The following MRPL13 variants were observed in gnomAD, a reference collection of about 807,000 sequenced individuals.
MRPL13 encodes the protein mitochondrial ribosomal protein L13, also known as large ribosomal subunit protein uL13m.
Under a neutral mutation model 29.0 loss-of-function variants are expected in MRPL13, and 33 were observed. The ratio of observed to expected loss-of-function variants is 1.14; its 90% CI spans 0.86 to 1.52. The LOEUF (loss-of-function observed/expected upper bound fraction) is 1.52, where lower values mean the gene tolerates loss of function less well. MRPL13 is among the 40% of genes most tolerant of loss of function. The pLI, the probability that MRPL13 is intolerant of heterozygous loss-of-function variation, is 0.00. For missense variants in MRPL13, 227 were observed against 216.7 expected, an observed-to-expected ratio of 1.05 and a Z score of -0.30; for synonymous variants, 77 against 68.4, an observed-to-expected ratio of 1.13 and a Z score of -0.62.
chr8:120,419,152 C>G (rs1472607338), intron 5 of MRPL13, among the ~76,000 whole-genome samples: 1 of 151,808 alleles, frequency 6.6e-6, no homozygotes, highest in African/African-American at 2.4e-5. Context: ...AAAATAGATA[C>G]TATTATTATG....
chr8:120,436,003 TC>T (rs746776835), intron 2 of MRPL13, among the ~76,000 whole-genome samples: 1 of 152,110 alleles, frequency 6.6e-6, no homozygotes, highest in East Asian at 1.9e-4. Context: ...TTGTTTAAGT[TC>T]CTTACAAAGA....
chr8:120,398,734 T>A (rs914397285), intron 6 of MRPL13, among the ~76,000 whole-genome samples: 1 of 151,908 alleles, frequency 6.6e-6, no homozygotes, highest in African/African-American at 2.4e-5. Flanking sequence ...TGTAACCCAA[T>A]GCAAATAAGT....
At chr8:120,406,554 C>CAT (rs1028818677) in intron 6 of MRPL13, among the ~76,000 whole-genome samples, 1 of 62,648 alleles carries the variant, frequency 1.6e-5, no homozygotes, top group Non-Finnish European at 3.2e-5. Flanking sequence ...TATATGTGTG[C>CAT]ATGTGTGTGT....
chr8:120,429,521 G>GA, intron 3 of MRPL13, among the ~76,000 whole-genome samples: 2 of 147,932 alleles, frequency 1.4e-5, no homozygotes, highest in South Asian at 2.1e-4. Context: ...AACAAGAATT[G>GA]AAAAAAAAGA....
intron 2 of MRPL13, among the ~76,000 whole-genome samples, chr8:120,441,855 G>A (rs1039101297): frequency 4.5e-4 from 68 of 152,236 alleles, no homozygotes; most frequent in African/African-American, 1.6e-3. Flanking sequence ...TACTTTGGGG[G>A]AATTATAATG....
At chr8:120,441,461 C>T (rs979846256) in intron 2 of MRPL13, among the ~76,000 whole-genome samples, 8 of 151,890 alleles carry the variant, frequency 5.3e-5, no homozygotes, top group African/African-American at 1.9e-4. Context: ...CTGAGGATAG[C>T]CAAGGGTACT....
intron 6 of MRPL13, among the ~76,000 whole-genome samples, chr8:120,398,424 A>T (rs1812547836): frequency 6.6e-6 from 1 of 152,230 alleles, no homozygotes; most frequent in Non-Finnish European, 1.5e-5. Flanking sequence ...CTGACTGTTA[A>T]AAGAAAAACA....
intron 5 of MRPL13, among the ~76,000 whole-genome samples, chr8:120,419,377 C>T (rs1446593743): frequency 6.6e-6 from 1 of 151,770 alleles, no homozygotes; most frequent in East Asian, 1.9e-4. Flanking sequence ...CACTCTTTTC[C>T]AAGTAATTTT....
At chr8:120,406,497 C>T (rs1246052282) in intron 6 of MRPL13, among the ~76,000 whole-genome samples, 1 of 151,642 alleles carries the variant, frequency 6.6e-6, no homozygotes, top group African/African-American at 2.4e-5. Flanking sequence ...AAGTAGTGAG[C>T]AGGACCCAGT....
At chr8:120,412,333 T>C (rs1812748354) in intron 6 of MRPL13, among the ~76,000 whole-genome samples, 1 of 152,214 alleles carries the variant, frequency 6.6e-6, no homozygotes, top group Non-Finnish European at 1.5e-5. Flanking sequence ...AATAAAACTC[T>C]ACACTAGCAA....
In MRPL13 at chr8:120,425,364, T is replaced by G; in HGVS notation, c.248A>C (p.Tyr83Ser). The G allele has an allele frequency of 6.2e-7, 1 of 1,611,570 alleles. No individual in the cohort carries two copies. The highest frequency in any genetic ancestry group is 1.1e-5 in the South Asian group (1 of 90,964). Residue 83 changes from tyrosine (Y) to serine (S), a missense_variant and splice_region_variant, in exon 4 of 7, where the codon TAC becomes TCC. Physicochemically the swap from Tyr to Ser is moderately radical, Grantham distance 144 (BLOSUM62 -2). Transcript: ENST00000306185. ...EQKVYSSHTG[Y>S]PGGFRQVTAA... is the part of the protein sequence containing the mutation. The stretch of plus-strand genomic sequence containing the variant: ...TGTTACTTGTCTAAATCCACCTGGG[T>G]AGCTGTTAAAAGGAGAAAAGACATT...
At chr8:120,397,038 C>T (rs4871061) in intron 6 of MRPL13, among the ~76,000 whole-genome samples, 144,687 of 152,230 alleles carry the variant, frequency 0.95, 68,776 homozygotes, top group East Asian at 1. Flanking sequence ...GATGGAGTGA[C>T]TGCCCACCTG....
chr8:120,419,900 GT>G lies in MRPL13; in HGVS notation c.344del (p.Asn115ThrfsTer7). ...TTTCCATCATTGTTCTTCTGTGAAG[GT>G]TTTTTGGCAGCATGCCATAAATAGC... ...KLAIYGMLPK[N>X]LHRRTMMERL... On this transcript the variant is annotated frameshift_variant, in exon 5 of 7. Coordinates refer to ENST00000306185, the MANE Select transcript of MRPL13 (RefSeq NM_014078.6). LOFTEE classifies it high-confidence loss of function. 6.3e-7 allele frequency: 1 copy of G among 1,595,278 alleles called. No individual in the cohort carries two copies.
Position 120,396,132 on chromosome 8 carries a change from G to A in MRPL13, c.516-7C>T. 1 of 1,572,150 alleles carries A rather than the reference G, an allele frequency of 6.4e-7. No homozygotes were observed. The highest frequency in any genetic ancestry group is 2.3e-5 in the East Asian group (1 of 44,216). On this transcript the variant is annotated splice_polypyrimidine_tract_variant and splice_region_variant and intron_variant, in intron 6 of 6. Transcript: ENST00000306185. ...TAGCCGATAATCTTCAGGTCTGAAA[G>A]AAAAAATCAACATATTTCTTCATGA... is the stretch of plus-strand genomic sequence containing the variant.
intron 6 of MRPL13, among the ~76,000 whole-genome samples, chr8:120,406,524 C>T (rs1198824962): frequency 6.7e-6 from 1 of 149,084 alleles, no homozygotes; most frequent in Non-Finnish European, 1.5e-5. Context: ...CTTTATAAAG[C>T]AGTTTCTAAC....
chr8:120,433,588 C>T (rs187549144), intron 2 of MRPL13, among the ~76,000 whole-genome samples: 314 of 152,186 alleles, frequency 2.1e-3, no homozygotes, highest in Non-Finnish European at 2.5e-3. Flanking sequence ...CACAAAGCAA[C>T]TGAAAATCAT....
intron 2 of MRPL13, among the ~76,000 whole-genome samples, chr8:120,442,723 G>C (rs1195556127): frequency 6.6e-6 from 1 of 152,076 alleles, no homozygotes; most frequent in South Asian, 2.1e-4. Flanking sequence ...AAAGGATACA[G>C]AAAAGCAAGT....
At chr8:120,420,017 T>C in intron 4 of MRPL13, 79 bp from the exon 5 acceptor site, 1 of 914,472 alleles carries the variant, frequency 1.1e-6, no homozygotes, top group Non-Finnish European at 1.5e-6. Flanking sequence ...GAGATGATGA[T>C]GAAAATGAGG....
intron 5 of MRPL13, among the ~76,000 whole-genome samples, chr8:120,418,558 C>A (rs1812832833): frequency 6.6e-6 from 1 of 152,058 alleles, no homozygotes; most frequent in Non-Finnish European, 1.5e-5. Flanking sequence ...CTTACCAATT[C>A]ACTTTTGGGA....
Sources: gnomAD v4.1 joint callset for allele counts (sites outside exome capture counted in the v4.1 genomes callset) on GRCh38, gnomAD v4.1.1 for gene constraint, MANE v1.5 for transcripts, NCBI Gene and HGNC (gene_info 2026-07-23, HGNC 2026-07-21) for gene names.